The following TENT4A variants were observed in gnomAD, a reference collection of about 807,000 sequenced individuals.
TENT4A encodes DNA polymerase kappa.
In TENT4A, 7 loss-of-function variants were observed where a neutral mutation model predicts 72.8. The observed-to-expected ratio is 0.10, with a 90% CI of 0.05 to 0.18. The LOEUF is 0.18. TENT4A is among the 10% of genes least tolerant of loss of function. The probability of loss-of-function intolerance (pLI) is 1.00; values close to 1 mark genes in which losing one functional copy is unlikely to be tolerated. For missense variants in TENT4A, 831 were observed against 1,017.7 expected (o/e 0.82, Z 2.50); for synonymous variants, 456 against 434.3 (o/e 1.05, Z -0.62).
intron 1 of TENT4A, among the ~76,000 whole-genome samples, chr5:6,736,127 C>T (rs967957810): frequency 2.6e-5 from 4 of 152,188 alleles, no homozygotes; most frequent in Admixed American, 6.5e-5. Context: ...TTTGCAGGTG[C>T]TTCATGAGCA....
At chr5:6,753,972 G>C (rs539317866) in intron 12 of TENT4A, among the ~76,000 whole-genome samples, 1 of 152,178 alleles carries the variant, frequency 6.6e-6, no homozygotes, top group South Asian at 2.1e-4. Flanking sequence ...TCCTGAAGCC[G>C]GCGTGTGTTC....
Position 6,755,099 on chromosome 5 carries a change from C to A in TENT4A, c.*154C>A. 1.8e-6 allele frequency: 1 copy of A among 565,620 alleles called. No individual in the cohort carries two copies. Among genetic ancestry groups the A allele is most frequent in the Non-Finnish European group, 3.0e-6 (1 of 336,150 alleles). The allele number at this position is 565,620 out of a possible 1,614,324, so 35.0% of individuals were successfully genotyped here. The stretch of plus-strand genomic sequence containing the variant: ...TCTGCATGTTTCTTCGTGTGGTGGT[C>A]GCGTCCATCTTCAAGAACAGCTCGT... On this transcript the variant is annotated 3_prime_UTR_variant, in exon 13 of 13. Coordinates refer to ENST00000230859, the MANE Select transcript of TENT4A (RefSeq NM_006999.6).
At chr5:6,742,619 C>A (rs768946716) in intron 5 of TENT4A, 22 bp downstream of exon 5, 2 of 1,458,546 alleles carry the variant, frequency 1.4e-6, no homozygotes, top group Non-Finnish European at 1.9e-6. Flanking sequence ...GGTGACCCAG[C>A]GCGGCGAGAG....
intron 6 of TENT4A, chr5:6,745,897 G>A (rs535335473): frequency 3.7e-4 from 204 of 549,158 alleles, no homozygotes; most frequent in African/African-American, 3.6e-3. Context: ...AGGTGACTAA[G>A]TTATGCAGAA....
At chr5:6,725,427 A>G (rs773776861) in intron 1 of TENT4A, among the ~76,000 whole-genome samples, 1 of 152,240 alleles carries the variant, frequency 6.6e-6, no homozygotes, top group African/African-American at 2.4e-5. Context: ...CAGTCTCCAC[A>G]TGATTCAGAG....
At chr5:6,742,651 C>A in intron 5 of TENT4A, 54 bp downstream of exon 5, 2 of 998,784 alleles carry the variant, frequency 2.0e-6, no homozygotes, top group Non-Finnish European at 3.2e-6. Context: ...AGTGCTTGTG[C>A]TTGGTGGCAT....
At position 6,745,833 on chromosome 5, in the gene TENT4A, G is replaced by A. The variant is rs867449866; in HGVS notation, c.1246-381G>A. On this transcript the variant is annotated intron_variant, in intron 6 of 12. Transcript: ENST00000230859. ...TCTAACACTGACCCCTGTTGGTTGT[G>A]CTTCAGCATAACGAAATTAGGATGA... 7.5e-5 allele frequency: 24 copies of A among 321,722 alleles called. No homozygotes were observed. In the Middle Eastern group the frequency reaches 3.3e-3, roughly 44 times the overall value. 19.9% of individuals were successfully genotyped at this position (321,722 alleles called of 1,614,324 possible).
intron 1 of TENT4A, among the ~76,000 whole-genome samples, chr5:6,727,838 A>C (rs886948515): frequency 4.0e-5 from 6 of 151,894 alleles, no homozygotes; most frequent in African/African-American, 1.2e-4. Context: ...TCCTGCCCAC[A>C]GCTCTGCTGT....
intron 6 of TENT4A, among the ~76,000 whole-genome samples, chr5:6,744,951 C>T (rs1358789255): frequency 1.3e-5 from 2 of 152,208 alleles, no homozygotes; most frequent in African/African-American, 4.8e-5. Context: ...GCCTCCTCCA[C>T]CCCCTCAGGG....
At chr5:6,748,432 G>GGGGA in intron 7 of TENT4A, 32 bp from the exon 8 acceptor site, 1 of 1,611,834 alleles carries the variant, frequency 6.2e-7, no homozygotes, top group Non-Finnish European at 8.5e-7. Flanking sequence ...GTGTGCATGT[G>GGGGA]GGGAGGGTCT....
intron 12 of TENT4A, 133 bp downstream of exon 12, chr5:6,753,170 C>A: frequency 2.3e-6 from 2 of 866,148 alleles, no homozygotes; most frequent in East Asian, 2.6e-5. Context: ...TGTCATTCAG[C>A]CTGTTTGCTT....
chr5:6,742,618 G>A (rs1463364423), intron 5 of TENT4A, 21 bp downstream of exon 5: 1 of 1,473,400 alleles, frequency 6.8e-7, no homozygotes, highest in South Asian at 1.1e-5. Flanking sequence ...TGGTGACCCA[G>A]CGCGGCGAGA....
rs766229617 is a variant in TENT4A, at chr5:6,750,364, C to T, written c.1721C>T (p.Thr574Ile). 1 of 1,612,748 alleles carries T rather than the reference C, an allele frequency of 6.2e-7. No homozygotes were observed. The highest frequency in any genetic ancestry group is 2.2e-5 in the East Asian group (1 of 44,702). ...SRIKIKERIATCNGEQTQNRE... is the reference protein window; with the variant it reads ...SRIKIKERIAICNGEQTQNRE... ...ATCAAGATCAAAGAGCGAATAGCCA[C>T]ATGCAATGGGGAGCAGACGCAGAAC... The change falls in exon 10 of 13, where the codon ACA becomes ATA. Residue 574 changes from threonine to isoleucine, a missense_variant. Coordinates refer to ENST00000230859, the MANE Select transcript of TENT4A (RefSeq NM_006999.6).
chr5:6,713,957 C>A lies in TENT4A; in HGVS notation c.-27C>A. 2 of 933,946 alleles carry A rather than the reference C, an allele frequency of 2.1e-6. No individual in the cohort carries two copies. The highest frequency in any genetic ancestry group is 2.5e-6 in the Non-Finnish European group (2 of 786,350). 57.9% of individuals were successfully genotyped at this position (933,946 alleles called of 1,614,324 possible). A position where few individuals can be genotyped will look rare whatever the true frequency, so the allele number is the denominator to read the frequency against. On this transcript the variant is annotated 5_prime_UTR_variant, in exon 1 of 13. Coordinates refer to ENST00000230859, the MANE Select transcript of TENT4A (RefSeq NM_006999.6). ...GGGGCCGCGTCGGGGCGGGCGGGCG[C>A]GCGGGCCCCGCGGGGGCGGCGCGTG...
At chr5:6,724,452 A>G (rs1474361445) in intron 1 of TENT4A, among the ~76,000 whole-genome samples, 2 of 152,226 alleles carry the variant, frequency 1.3e-5, no homozygotes, top group Non-Finnish European at 2.9e-5. Context: ...TGTCATTATG[A>G]GTTACCTCAT....
At chr5:6,747,503 G>C (rs948424716) in intron 7 of TENT4A, among the ~76,000 whole-genome samples, 1 of 151,978 alleles carries the variant, frequency 6.6e-6, no homozygotes, top group Non-Finnish European at 1.5e-5. Context: ...CCTAAAGATC[G>C]TCTCAAGGAA....
chr5:6,754,792 C>T lies in TENT4A; in HGVS notation c.2226C>T (p.Gly742=). The change falls in exon 13 of 13, where the codon GGC becomes GGT. Residue 742 remains glycine, a synonymous_variant. Transcript: ENST00000230859. ...GMKLSMKGSH[G]HTQGGGYSSV... Reference sequence around the variant, plus strand: ...AACTGTCCATGAAGGGCTCTCACGGCCACACCCAAGGCGGCGGCTACAGCT... The same window carrying T: ...AACTGTCCATGAAGGGCTCTCACGGTCACACCCAAGGCGGCGGCTACAGCT... 1 of 1,599,974 alleles carries T rather than the reference C, an allele frequency of 6.3e-7. No individual in the cohort carries two copies. Among genetic ancestry groups the T allele is most frequent in the Non-Finnish European group, 8.6e-7 (1 of 1,168,864 alleles).
At chr5:6,716,585 G>T (rs572406969) in intron 1 of TENT4A, among the ~76,000 whole-genome samples, 45 of 152,290 alleles carry the variant, frequency 3.0e-4, no homozygotes, top group Middle Eastern at 3.4e-3. Flanking sequence ...TCTGCCAGCA[G>T]GTCTGGTCAG....
intron 1 of TENT4A, among the ~76,000 whole-genome samples, chr5:6,731,134 G>C (rs1741190606): frequency 6.6e-6 from 1 of 152,140 alleles, no homozygotes; most frequent in African/African-American, 2.4e-5. Flanking sequence ...CTAAGGTATT[G>C]TTTTTTTGGG....
Sources: gnomAD v4.1 joint callset for allele counts (sites outside exome capture counted in the v4.1 genomes callset) on GRCh38, gnomAD v4.1.1 for gene constraint, MANE v1.5 for transcripts, NCBI Gene and HGNC (gene_info 2026-07-23, HGNC 2026-07-21) for gene names.